MEI4: variants seen among roughly 807,000 people sequenced by gnomAD.
The protein encoded by MEI4 is meiotic double-stranded break formation protein 4.
MEI4 carries 27 observed loss-of-function variants against 31.4 expected under a neutral mutation model. The ratio of observed to expected loss-of-function variants is 0.86; its 90% CI spans 0.63 to 1.19. The LOEUF is 1.19. Ranked by LOEUF, MEI4 falls within the 50% of genes most tolerant of loss-of-function variation. MEI4 has a pLI of 0.00. For synonymous variants in MEI4, 122 were observed against 145.4 expected, an observed-to-expected ratio of 0.84 and a Z score of 1.16; for missense variants, 329 against 398.9, an observed-to-expected ratio of 0.82 and a Z score of 1.49.
chr6:77,746,759 C>A (rs1679627110), intron 2 of MEI4, among the ~76,000 whole-genome samples: 3 of 151,870 alleles, frequency 2.0e-5, no homozygotes, highest in Non-Finnish European at 4.4e-5. Flanking sequence ...AGTGCTTTCA[C>A]TGTATGTGGA....
intron 2 of MEI4, among the ~76,000 whole-genome samples, chr6:77,702,824 T>G (rs557711273): frequency 6.6e-6 from 1 of 152,320 alleles, no homozygotes; most frequent in East Asian, 1.9e-4. Flanking sequence ...TCCACTTATT[T>G]GAATGGACCT....
chr6:77,716,995 G>A (rs906113485), intron 2 of MEI4: 1 of 200,106 alleles, frequency 5.0e-6, no homozygotes, highest in Non-Finnish European at 8.8e-6. Flanking sequence ...CGTAAGGTGG[G>A]ACGAGAGATT....
intron 4 of MEI4, among the ~76,000 whole-genome samples, chr6:77,905,381 T>G (rs1766270733): frequency 6.6e-6 from 1 of 151,968 alleles, no homozygotes; most frequent in South Asian, 2.1e-4. Context: ...TAATATGTCT[T>G]GTACAGTTTT....
At chr6:77,906,631 A>T (rs1420620545) in intron 4 of MEI4, among the ~76,000 whole-genome samples, 1 of 152,126 alleles carries the variant, frequency 6.6e-6, no homozygotes, top group Non-Finnish European at 1.5e-5. Context: ...TAGCCCTTTT[A>T]TATCCGTGGT....
At chr6:77,883,739 T>TAC in intron 4 of MEI4, among the ~76,000 whole-genome samples, 3 of 141,930 alleles carry the variant, frequency 2.1e-5, no homozygotes, top group Admixed American at 7.1e-5. Flanking sequence ...TATATATATA[T>TAC]ATATAACTTT....
In MEI4 at chr6:77,922,526, T is replaced by C. The variant is rs111757390; in HGVS notation, c.901-563T>C. 5.2e-3 allele frequency among the ~76,000 whole-genome samples: 789 copies of C among 151,836 alleles called. 7 individuals carry two copies. The highest frequency in any genetic ancestry group is 0.019 in the African/African-American group (770 of 41,472). On this transcript the variant is annotated intron_variant, in intron 4 of 4. Coordinates refer to ENST00000684080, the MANE Select transcript of MEI4 (RefSeq NM_001322247.2). ...TTAGGCCTTTCTGTGACTTGACTTATCTATCTCACATTCAACCATCTAGTC... is the reference window on the plus strand; with the variant it reads ...TTAGGCCTTTCTGTGACTTGACTTACCTATCTCACATTCAACCATCTAGTC...
Position 77,690,896 on chromosome 6 carries a change from TAA to T in MEI4, c.226_227del (p.Lys76GlufsTer14). ...LVSRLCSGSF[K>X]SGYVSSQLEA... ...TGAGCAGGCTTTGTTCAGGATCCTT[TAA>T]GAGTGGTGAGTATATAAAATTGCCT... On this transcript the variant is annotated frameshift_variant, in exon 2 of 5. Coordinates refer to ENST00000684080, the MANE Select transcript of MEI4 (RefSeq NM_001322247.2). LOFTEE classifies it high-confidence loss of function. 8.1e-7 allele frequency: 1 copy of T among 1,229,470 alleles called. No homozygotes were observed. The highest frequency in any genetic ancestry group is 1.0e-6 in the Non-Finnish European group (1 of 985,616). 76.2% of individuals were successfully genotyped at this position (1,229,470 alleles called of 1,614,324 possible).
At chr6:77,837,868 T>C (rs1047661408) in intron 4 of MEI4, among the ~76,000 whole-genome samples, 1 of 152,152 alleles carries the variant, frequency 6.6e-6, no homozygotes, top group Non-Finnish European at 1.5e-5. Context: ...GTGCTTATTA[T>C]CCTTTATAAC....
chr6:77,736,733 A>G (rs897666152), intron 2 of MEI4, among the ~76,000 whole-genome samples: 1 of 152,118 alleles, frequency 6.6e-6, no homozygotes, highest in Non-Finnish European at 1.5e-5. Flanking sequence ...CCCTGCCCAT[A>G]GCATCACACA....
intron 3 of MEI4, among the ~76,000 whole-genome samples, chr6:77,798,029 A>G (rs896497882): frequency 3.9e-5 from 6 of 152,194 alleles, no homozygotes; most frequent in African/African-American, 1.4e-4. Context: ...AAATAATAAT[A>G]GTAAAAGATA....
chr6:77,889,833 T>C (rs1771715574), intron 4 of MEI4, among the ~76,000 whole-genome samples: 1 of 152,204 alleles, frequency 6.6e-6, no homozygotes. Context: ...TAGCTCTAGC[T>C]GCGGCTAAAA....
chr6:77,765,197 C>T (rs1474778379), intron 3 of MEI4, among the ~76,000 whole-genome samples: 1 of 152,098 alleles, frequency 6.6e-6, no homozygotes, highest in African/African-American at 2.4e-5. Flanking sequence ...TTTCTGACAT[C>T]ATATAAAAAC....
At chr6:77,695,192 A>T (rs886158031) in intron 2 of MEI4, among the ~76,000 whole-genome samples, 53 of 151,764 alleles carry the variant, frequency 3.5e-4, no homozygotes, top group African/African-American at 1.2e-3. Flanking sequence ...GGTTGCAAAA[A>T]TTTTCTCCCA....
intron 4 of MEI4, among the ~76,000 whole-genome samples, chr6:77,865,082 G>T (rs1443462371): frequency 6.6e-6 from 1 of 152,130 alleles, no homozygotes; most frequent in African/African-American, 2.4e-5. Context: ...ATTCAAAGCA[G>T]TGTGTAGAGG....
intron 2 of MEI4, among the ~76,000 whole-genome samples, chr6:77,736,765 A>G (rs1304962619): frequency 1.3e-5 from 2 of 152,110 alleles, no homozygotes; most frequent in African/African-American, 4.8e-5. Flanking sequence ...GTAAGATTAC[A>G]TCATTAATTG....
At chr6:77,803,934 G>T (rs1369777921) in intron 3 of MEI4, among the ~76,000 whole-genome samples, 2 of 152,196 alleles carry the variant, frequency 1.3e-5, no homozygotes. Flanking sequence ...CCCACTTGAG[G>T]AGGCCGTCTG....
At position 77,738,247 on chromosome 6, in the gene MEI4, G is replaced by A. The variant is rs76305061; in HGVS notation, c.233-22883G>A. ...AGCCAAGCTGACCCACAAATCTTTT[G>A]TGTTGTTTTTTGAAGCTCAGGTAGT... On this transcript the variant is annotated intron_variant, in intron 2 of 4. Transcript: ENST00000684080. Among the ~76,000 whole-genome samples, 19 of 152,290 alleles carry A rather than the reference G, an allele frequency of 1.2e-4. No individual in the cohort carries two copies. In the East Asian group the frequency reaches 3.7e-3, roughly 29 times the overall value.
chr6:77,892,900 A>G (rs915810483), intron 4 of MEI4, among the ~76,000 whole-genome samples: 11 of 152,002 alleles, frequency 7.2e-5, no homozygotes, highest in African/African-American at 9.7e-5. Flanking sequence ...ACCCGTAACA[A>G]TGGAATTGTG....
rs1766759432 is a variant in MEI4 at position 77,923,453 on chromosome 6, T to TGATCTCTAAATATA, written c.*108_*121dup. 1 of 867,250 alleles carries TGATCTCTAAATATA rather than the reference T, an allele frequency of 1.2e-6. No individual in the cohort carries two copies. Among genetic ancestry groups the TGATCTCTAAATATA allele is most frequent in the Non-Finnish European group, 1.5e-6 (1 of 657,520 alleles). The allele number at this position is 867,250 out of a possible 1,614,324, so 53.7% of individuals were successfully genotyped here. ...AGTATTTTAATTAGCATTTTAGAAT[T>TGATCTCTAAATATA]GATCTCTAAATATAATTATCAATTC... On this transcript the variant is annotated 3_prime_UTR_variant, in exon 5 of 5. Coordinates refer to ENST00000684080, the MANE Select transcript of MEI4 (RefSeq NM_001322247.2).
Sources: gnomAD v4.1 joint callset for allele counts (sites outside exome capture counted in the v4.1 genomes callset) on GRCh38, gnomAD v4.1.1 for gene constraint, MANE v1.5 for transcripts, NCBI Gene and HGNC (gene_info 2026-07-23, HGNC 2026-07-21) for gene names.